The following EXOC4 variants were observed in gnomAD, a reference collection of about 807,000 sequenced individuals.
EXOC4 encodes exocyst complex component 4.
EXOC4 carries 71 observed loss-of-function variants against 107.2 expected under a neutral mutation model. The observed-to-expected ratio is 0.66, with a 90% CI of 0.55 to 0.81. The LOEUF is 0.81. EXOC4 is among the 30% of genes least tolerant of loss of function. The pLI is 0.00. For missense variants in EXOC4, 1,108 were observed against 1,189.6 expected (o/e 0.93, Z 1.01); for synonymous variants, 456 against 441.2 (o/e 1.03, Z -0.42).
intron 9 of EXOC4, among the ~76,000 whole-genome samples, chr7:133,548,115 A>G (rs1001956283): frequency 3.3e-5 from 5 of 152,066 alleles, no homozygotes; most frequent in African/African-American, 7.2e-5. Context: ...CATGAAAACA[A>G]TCTCGTTTTT....
chr7:134,079,172 A>G, the EXOC4 span, among the ~76,000 whole-genome samples: 1 of 152,250 alleles, frequency 6.6e-6, no homozygotes, highest in African/African-American at 2.4e-5. Flanking sequence ...GACAACATTC[A>G]TTAGCAAGAG....
intron 9 of EXOC4, among the ~76,000 whole-genome samples, chr7:133,619,139 A>G (rs1419854561): frequency 1.3e-5 from 2 of 152,180 alleles, no homozygotes; most frequent in African/African-American, 4.8e-5. Flanking sequence ...GAGTCATGAA[A>G]TAATGCTGTT....
At chr7:133,278,388 T>G (rs552291757) in intron 2 of EXOC4, among the ~76,000 whole-genome samples, 1 of 152,038 alleles carries the variant, frequency 6.6e-6, no homozygotes, top group Non-Finnish European at 1.5e-5. Flanking sequence ...TAGCAGATGG[T>G]AAGAAGTGCT....
intron 7 of EXOC4, among the ~76,000 whole-genome samples, chr7:133,401,675 A>G (rs1312886784): frequency 6.6e-6 from 1 of 151,142 alleles, no homozygotes; most frequent in African/African-American, 2.4e-5. Context: ...GAAAAAAAAG[A>G]TAAATCATCA....
intron 9 of EXOC4, among the ~76,000 whole-genome samples, chr7:133,615,282 CT>C (rs1338721066): frequency 6.6e-6 from 1 of 152,022 alleles, no homozygotes; most frequent in Non-Finnish European, 1.5e-5. Context: ...CTCCTCCCCC[CT>C]CATCTACTCA....
At chr7:133,376,943 G>T (rs934386960) in intron 7 of EXOC4, among the ~76,000 whole-genome samples, 1 of 152,178 alleles carries the variant, frequency 6.6e-6, no homozygotes, top group African/African-American at 2.4e-5. Flanking sequence ...ACATAATTCA[G>T]TTTCTCAATA....
At chr7:134,089,275 T>C in the EXOC4 span, among the ~76,000 whole-genome samples, 1 of 152,198 alleles carries the variant, frequency 6.6e-6, no homozygotes, top group East Asian at 1.9e-4. Flanking sequence ...TTTAACACTT[T>C]AGGCATAAAA....
rs566675134 is a variant in EXOC4, at chr7:133,438,122, G to A, written c.1183-37206G>A. ...ATTTAGTTCAGATCTGTCTTTGTCT[G>A]TAGATCTTTGAAGAGTCATTTGTGA... On this transcript the variant is annotated intron_variant, in intron 7 of 17. Transcript: ENST00000253861. 3.3e-5 allele frequency among the ~76,000 whole-genome samples: 5 copies of A among 152,260 alleles called. No individual in the cohort carries two copies. The South Asian group carries it at 8.3e-4, about 25-fold the overall frequency.
At chr7:133,508,684 A>G (rs1040236715) in intron 9 of EXOC4, among the ~76,000 whole-genome samples, 4 of 152,184 alleles carry the variant, frequency 2.6e-5, no homozygotes, top group Non-Finnish European at 2.9e-5. Context: ...AACAATTATC[A>G]GGGTGTTTGT....
chr7:133,630,044 G>A lies in EXOC4; in HGVS notation c.1418-1G>A. The A allele has an allele frequency of 6.2e-7, 1 of 1,611,288 alleles. No individual in the cohort carries two copies. Among genetic ancestry groups the A allele is most frequent in the Non-Finnish European group, 8.5e-7 (1 of 1,177,778 alleles). On this transcript the variant is annotated splice_acceptor_variant, in intron 9 of 17. Coordinates refer to ENST00000253861, the MANE Select transcript of EXOC4 (RefSeq NM_021807.4). LOFTEE classifies it high-confidence loss of function. ...TCTGTTTTTTTTCTTTCTTCTGAAA[G>A]GGGGTCCTGATGACAACTTAATTGA...
intron 9 of EXOC4, among the ~76,000 whole-genome samples, chr7:133,518,769 G>A (rs1262510669): frequency 2.6e-5 from 4 of 151,970 alleles, no homozygotes; most frequent in Admixed American, 2.6e-4. Flanking sequence ...ACTTATAGAT[G>A]GTATCTAAAG....
chr7:134,032,021 TG>T (rs777208897), intron 17 of EXOC4, among the ~76,000 whole-genome samples: 1 of 152,172 alleles, frequency 6.6e-6, no homozygotes, highest in Non-Finnish European at 1.5e-5. Flanking sequence ...ACAGCCCTTC[TG>T]GAAATACTAG....
Position 133,480,155 on chromosome 7 carries a change from C to T in EXOC4, c.1417+17C>T, listed in dbSNP as rs984124751. 5 of 1,612,736 alleles carry T rather than the reference C, an allele frequency of 3.1e-6. No individual in the cohort carries two copies. In the African/African-American group the frequency reaches 5.3e-5, roughly 17 times the overall value. On this transcript the variant is annotated intron_variant, in intron 9 of 17. Transcript: ENST00000253861. ...AACTGCAAGGTGAGTGATTGAGCTTCTCTGGAAAAATTAATTTTCTGGAGG... is the reference window on the plus strand; with the variant it reads ...AACTGCAAGGTGAGTGATTGAGCTTTTCTGGAAAAATTAATTTTCTGGAGG...
At chr7:133,757,594 G>T (rs1481128339) in intron 10 of EXOC4, among the ~76,000 whole-genome samples, 1 of 152,166 alleles carries the variant, frequency 6.6e-6, no homozygotes, top group Non-Finnish European at 1.5e-5. Flanking sequence ...TCCCACAGTG[G>T]GATATCTTCC....
intron 17 of EXOC4, among the ~76,000 whole-genome samples, chr7:134,011,810 T>TGGGGA (rs1794772420): frequency 6.8e-6 from 1 of 147,460 alleles, no homozygotes; most frequent in Non-Finnish European, 1.5e-5. Context: ...AGAGTAGGCA[T>TGGGGA]GGGGAGGGGA....
intron 9 of EXOC4, among the ~76,000 whole-genome samples, chr7:133,498,526 A>G (rs1040548029): frequency 6.6e-6 from 1 of 152,180 alleles, no homozygotes; most frequent in Non-Finnish European, 1.5e-5. Flanking sequence ...TGGAGCTTGC[A>G]GTGAGCCGAG....
At chr7:133,720,362 T>C (rs1795082342) in intron 10 of EXOC4, among the ~76,000 whole-genome samples, 1 of 152,188 alleles carries the variant, frequency 6.6e-6, no homozygotes. Flanking sequence ...GTGCAAATAA[T>C]CAAGAGACTT....
At chr7:133,809,175 C>T (rs1301900085) in intron 10 of EXOC4, among the ~76,000 whole-genome samples, 1 of 152,168 alleles carries the variant, frequency 6.6e-6, no homozygotes, top group African/African-American at 2.4e-5. Flanking sequence ...ATCAAAGGTA[C>T]AGAATTCTGA....
At chr7:133,803,348 T>C (rs773929750) in intron 10 of EXOC4, among the ~76,000 whole-genome samples, 5 of 152,236 alleles carry the variant, frequency 3.3e-5, no homozygotes, top group South Asian at 2.1e-4. Context: ...ACTGGAGTTT[T>C]GTTGTTTTAT....
Sources: allele counts gnomAD v4.1 joint callset (sites outside exome capture counted in the v4.1 genomes callset), GRCh38; gene constraint gnomAD v4.1.1; transcripts MANE v1.5; gene names NCBI Gene and HGNC (gene_info 2026-07-23, HGNC 2026-07-21).